The following NOX4 variants were observed in gnomAD, a reference collection of about 807,000 sequenced individuals.
NOX4 encodes kidney oxidase-1.
Under a neutral mutation model 87.6 loss-of-function variants are expected in NOX4, and 69 were observed. The observed-to-expected ratio is 0.79, with a 90% CI of 0.65 to 0.96. NOX4 has a LOEUF of 0.96. Among genes scored for constraint, NOX4 ranks in the 40% least tolerant of loss-of-function variants. The pLI is 0.00. For missense variants in NOX4, 680 were observed against 681.5 expected (o/e 1.00, Z 0.02); for synonymous variants, 275 against 238.2 (o/e 1.15, Z -1.42).
At chr11:89,350,902 C>T (rs1291218723) in intron 13 of NOX4, among the ~76,000 whole-genome samples, 3 of 152,148 alleles carry the variant, frequency 2.0e-5, no homozygotes, top group Non-Finnish European at 4.4e-5. Context: ...GGCCAATTAA[C>T]AACTCTAAAA....
intron 2 of NOX4, among the ~76,000 whole-genome samples, chr11:89,473,660 A>G (rs1175169457): frequency 2.0e-5 from 3 of 152,060 alleles, no homozygotes; most frequent in African/African-American, 7.2e-5. Context: ...CCTGAACTCA[A>G]TCCTATTTCT....
chr11:89,402,290 A>G (rs1302888834), intron 9 of NOX4, 36 bp downstream of exon 9: 5 of 1,505,748 alleles, frequency 3.3e-6, no homozygotes, highest in Non-Finnish European at 4.6e-6. Context: ...AAATGGAAAC[A>G]AACTTTGTGG....
At chr11:89,535,825 GATTA>G in the NOX4 span, among the ~76,000 whole-genome samples, 1 of 152,186 alleles carries the variant, frequency 6.6e-6, no homozygotes, top group Non-Finnish European at 1.5e-5. Flanking sequence ...ATATATTACA[GATTA>G]ATTATTCTCC....
At chr11:89,368,986 C>CT (rs1309510818) in intron 12 of NOX4, among the ~76,000 whole-genome samples, 1 of 151,952 alleles carries the variant, frequency 6.6e-6, no homozygotes, top group African/African-American at 2.4e-5. Context: ...ATCTCTTAAA[C>CT]TTTTTTAAGA....
the NOX4 span, among the ~76,000 whole-genome samples, chr11:89,565,697 G>T: frequency 6.6e-6 from 1 of 151,386 alleles, no homozygotes; most frequent in Admixed American, 6.6e-5. Flanking sequence ...TGCACAATGT[G>T]CGCATGTACC....
the NOX4 span, among the ~76,000 whole-genome samples, chr11:89,556,549 G>C: frequency 6.6e-5 from 10 of 151,608 alleles, no homozygotes; most frequent in African/African-American, 2.4e-4. Flanking sequence ...GGGAGGGGAG[G>C]GGAGGGGGAA....
intron 7 of NOX4, among the ~76,000 whole-genome samples, chr11:89,426,402 C>A (rs1943412521): frequency 2.0e-5 from 3 of 151,934 alleles, no homozygotes; most frequent in African/African-American, 7.3e-5. Context: ...GCCCACCGAG[C>A]ATGAGCTGAA....
chr11:89,569,409 C>T, the NOX4 span, among the ~76,000 whole-genome samples: 4 of 152,116 alleles, frequency 2.6e-5, no homozygotes, highest in African/African-American at 4.8e-5. Context: ...TATGAATAGG[C>T]GTTTCTCAAG....
the NOX4 span, among the ~76,000 whole-genome samples, chr11:89,514,623 T>C: frequency 6.6e-6 from 1 of 151,894 alleles, no homozygotes; most frequent in East Asian, 1.9e-4. Flanking sequence ...TAGCTCTGGG[T>C]TTTTCATAGG....
At chr11:89,499,469 CAGA>C (rs1323026381), upstream of NOX4, among the ~76,000 whole-genome samples, 2 of 152,236 alleles carry the variant, frequency 1.3e-5, no homozygotes, top group Non-Finnish European at 2.9e-5. Flanking sequence ...GAACTTGTTA[CAGA>C]AGAAGTTCAG....
At chr11:89,331,403 C>T (rs923750598) in intron 17 of NOX4, among the ~76,000 whole-genome samples, 9 of 151,538 alleles carry the variant, frequency 5.9e-5, no homozygotes, top group African/African-American at 2.2e-4. Context: ...ACCTATGTTT[C>T]CATTTTAAGA....
intron 8 of NOX4, 64 bp from the exon 9 acceptor site, chr11:89,402,606 A>G: frequency 8.0e-7 from 1 of 1,242,270 alleles, no homozygotes; most frequent in Non-Finnish European, 1.2e-6. Flanking sequence ...GGGACACGGT[A>G]AAAGAAAATA....
At chr11:89,501,279 A>G (rs1253156970), upstream of NOX4, among the ~76,000 whole-genome samples, 3 of 151,990 alleles carry the variant, frequency 2.0e-5, no homozygotes, top group African/African-American at 7.2e-5. Context: ...CTAATTTGAG[A>G]CTTCAGAGTG....
At chr11:89,589,465 C>G in the NOX4 span, 1 of 152,208 alleles carries the variant, frequency 6.6e-6, no homozygotes, top group Non-Finnish European at 1.5e-5. Flanking sequence ...AATGCCATCT[C>G]TTCGAATCCA....
chr11:89,561,314 G>C, the NOX4 span, among the ~76,000 whole-genome samples: 1 of 151,744 alleles, frequency 6.6e-6, no homozygotes, highest in South Asian at 2.1e-4. Flanking sequence ...GGCAGATGAA[G>C]TGCAACCCAG....
At position 89,489,310 on chromosome 11, in the gene NOX4, GA is replaced by G. The variant is rs1199800147; in HGVS notation, c.153+1147del. Among the ~76,000 whole-genome samples the G allele has an allele frequency of 4.6e-5, 7 of 151,514 alleles. No individual in the cohort carries two copies. The East Asian group carries it at 7.7e-4, about 17-fold the overall frequency. On this transcript the variant is annotated intron_variant, in intron 2 of 17. Transcript: ENST00000263317. ...TAATTTTAAGTAGTCATTAAACCAT[GA>G]AAAAAAATAAAAAAGCAAAATGTGT...
intron 17 of NOX4, among the ~76,000 whole-genome samples, chr11:89,332,964 G>A (rs1036865703): frequency 1.3e-5 from 2 of 151,830 alleles, no homozygotes; most frequent in Non-Finnish European, 2.9e-5. Context: ...CATGTGGAAA[G>A]TAAATTAATT....
chr11:89,447,170 G>A (rs1944745211), intron 4 of NOX4, among the ~76,000 whole-genome samples: 1 of 151,958 alleles, frequency 6.6e-6, no homozygotes, highest in Non-Finnish European at 1.5e-5. Flanking sequence ...ACACAACTAT[G>A]GCACAGGTAT....
At chr11:89,488,116 G>C (rs1946702897) in intron 2 of NOX4, among the ~76,000 whole-genome samples, 1 of 151,920 alleles carries the variant, frequency 6.6e-6, no homozygotes, top group South Asian at 2.1e-4. Flanking sequence ...AGTGACTCTT[G>C]GTAAAATGGA....
Sources: gnomAD v4.1 joint callset for allele counts (sites outside exome capture counted in the v4.1 genomes callset) on GRCh38, gnomAD v4.1.1 for gene constraint, MANE v1.5 for transcripts, NCBI Gene and HGNC (gene_info 2026-07-23, HGNC 2026-07-21) for gene names.